The following GLRA3 variants were observed in gnomAD, a reference collection of about 807,000 sequenced individuals.
GLRA3 encodes glycine receptor subunit alpha-3.
GLRA3 carries 44 observed loss-of-function variants against 60.4 expected under a neutral mutation model. That is an observed-to-expected ratio of 0.73 (90% confidence interval 0.57 to 0.94). GLRA3 has a LOEUF of 0.94. Among genes scored for constraint, GLRA3 ranks in the 40% least tolerant of loss-of-function variants. The pLI is 0.00. For synonymous variants in GLRA3, 223 were observed against 192.9 expected (o/e 1.16, Z -1.29); for missense variants, 508 against 564.6 (o/e 0.90, Z 1.02).
In GLRA3 at chr4:174,639,741, A is replaced by G. The variant is rs969583626; in HGVS notation, c.*4045T>C. On this transcript the variant is annotated 3_prime_UTR_variant, in exon 10 of 10. Transcript: ENST00000274093. The stretch of plus-strand genomic sequence containing the variant: ...TTTGTAAAGAGGAATGGGGGCTGAG[A>G]TAAAAGTTTAATTTTAAAGTTAATT... 1.3e-5 allele frequency: 2 copies of G among 152,128 alleles called. No individual in the cohort carries two copies. Among genetic ancestry groups the G allele is most frequent in the African/African-American group, 2.4e-5 (1 of 41,450 alleles). The allele number at this position is 152,128 out of a possible 1,614,324, so 9.4% of individuals were successfully genotyped here.
In GLRA3 at chr4:174,733,278, C is replaced by G. The variant is rs115620118; in HGVS notation, c.268-4580G>C. ...GCCCTGTAGACACCTTGAATTTAGT[C>G]TGGCAAAACACACTGGACCTCTGAC... On this transcript the variant is annotated intron_variant, in intron 3 of 9. Transcript: ENST00000274093. Among the ~76,000 whole-genome samples the G allele has an allele frequency of 2.9e-3, 444 of 152,308 alleles. 3 individuals carry two copies. Among genetic ancestry groups the G allele is most frequent in the African/African-American group, 0.01 (418 of 41,578 alleles).
chr4:174,701,066 T>C lies in GLRA3; in HGVS notation c.574+14422A>G, dbSNP rs1325760062. 2.6e-5 allele frequency among the ~76,000 whole-genome samples: 4 copies of C among 152,168 alleles called. No individual in the cohort carries two copies. The East Asian group carries it at 7.7e-4, about 29-fold the overall frequency. Reference sequence around the variant, plus strand: ...TTAAACAACAGATTTTCAATGTAGATGAAACAATCTTCTATTGGAAAAAGA... The same window carrying C: ...TTAAACAACAGATTTTCAATGTAGACGAAACAATCTTCTATTGGAAAAAGA... On this transcript the variant is annotated intron_variant, in intron 5 of 9. Transcript: ENST00000274093.
chr4:174,642,446 A>G lies in GLRA3; in HGVS notation c.*1340T>C, dbSNP rs1387045995. 2.1e-5 allele frequency: 20 copies of G among 975,566 alleles called. No individual in the cohort carries two copies. The highest frequency in any genetic ancestry group is 2.4e-5 in the Non-Finnish European group (20 of 821,058). The allele number at this position is 975,566 out of a possible 1,614,324, so 60.4% of individuals were successfully genotyped here. A position where few individuals can be genotyped will look rare whatever the true frequency, so the allele number is the denominator to read the frequency against. On this transcript the variant is annotated 3_prime_UTR_variant, in exon 10 of 10. Coordinates refer to ENST00000274093, the MANE Select transcript of GLRA3 (RefSeq NM_006529.4). ...GCTTTTCCAAATAAATTTATGGTAA[A>G]AATAGTTAAAAAAATAGCAAAACTG...
At chr4:174,775,130 G>C (rs1738547749) in intron 2 of GLRA3, among the ~76,000 whole-genome samples, 1 of 152,086 alleles carries the variant, frequency 6.6e-6, no homozygotes, top group South Asian at 2.1e-4. Flanking sequence ...TTTTAGAAGA[G>C]CTTATTATTC....
At chr4:174,802,413 A>G (rs753476357) in intron 1 of GLRA3, among the ~76,000 whole-genome samples, 1 of 152,066 alleles carries the variant, frequency 6.6e-6, no homozygotes, top group Non-Finnish European at 1.5e-5. Flanking sequence ...CAGATAATGA[A>G]CAACAAAATC....
chr4:174,711,744 T>C (rs1735727269), intron 5 of GLRA3, among the ~76,000 whole-genome samples: 1 of 152,140 alleles, frequency 6.6e-6, no homozygotes, highest in Non-Finnish European at 1.5e-5. Flanking sequence ...ATTGATTTTT[T>C]ACCAGCATGC....
intron 9 of GLRA3, among the ~76,000 whole-genome samples, chr4:174,645,427 A>T (rs1467141429): frequency 6.6e-6 from 1 of 150,496 alleles, no homozygotes; most frequent in Non-Finnish European, 1.5e-5. Flanking sequence ...CTCCAAAAAA[A>T]AAAAAAAAAA....
At chr4:174,803,715 T>G (rs1739913582) in intron 1 of GLRA3, among the ~76,000 whole-genome samples, 1 of 152,142 alleles carries the variant, frequency 6.6e-6, no homozygotes, top group Admixed American at 6.6e-5. Flanking sequence ...TTAATTGAAA[T>G]GAAGAGAAAT....
chr4:174,648,926 G>C (rs1732933272), intron 9 of GLRA3, among the ~76,000 whole-genome samples: 1 of 152,132 alleles, frequency 6.6e-6, no homozygotes, highest in South Asian at 2.1e-4. Flanking sequence ...ACGGAAATCT[G>C]TTCCAATTTT....
At chr4:174,822,488 T>C (rs557872087) in intron 1 of GLRA3, among the ~76,000 whole-genome samples, 1 of 152,206 alleles carries the variant, frequency 6.6e-6, no homozygotes, top group Non-Finnish European at 1.5e-5. Flanking sequence ...TTTTTACTAA[T>C]TAAAAACAAT....
At chr4:174,816,852 G>T (rs1352339517) in intron 1 of GLRA3, among the ~76,000 whole-genome samples, 1 of 151,238 alleles carries the variant, frequency 6.6e-6, no homozygotes, top group Non-Finnish European at 1.5e-5. Context: ...AATTCTTGTG[G>T]GTACATAGCA....
At chr4:174,735,276 C>T (rs933393725) in intron 3 of GLRA3, among the ~76,000 whole-genome samples, 2 of 152,182 alleles carry the variant, frequency 1.3e-5, no homozygotes, top group African/African-American at 4.8e-5. Flanking sequence ...GTTTCTACAT[C>T]ATTTTTCTGC....
chr4:174,667,592 T>C (rs1307117741), intron 7 of GLRA3, among the ~76,000 whole-genome samples: 1 of 151,984 alleles, frequency 6.6e-6, no homozygotes, highest in African/African-American at 2.4e-5. Context: ...AAAAGTAGAG[T>C]CCAGGTAGTG....
chr4:174,744,393 C>T (rs1449241938), intron 3 of GLRA3, among the ~76,000 whole-genome samples: 5 of 152,184 alleles, frequency 3.3e-5, no homozygotes, highest in African/African-American at 4.8e-5. Flanking sequence ...CCCTGGGAGC[C>T]GAAGAACAGG....
chr4:174,654,896 T>C (rs1733144504), intron 9 of GLRA3, among the ~76,000 whole-genome samples: 1 of 152,128 alleles, frequency 6.6e-6, no homozygotes, highest in East Asian at 1.9e-4. Context: ...GAAATTTGGA[T>C]ACAAGAGCAA....
intron 2 of GLRA3, among the ~76,000 whole-genome samples, chr4:174,783,081 A>G (rs1738957981): frequency 6.6e-6 from 1 of 152,234 alleles, no homozygotes; most frequent in Non-Finnish European, 1.5e-5. Flanking sequence ...CTACAAGGCT[A>G]CAGTAAACAA....
At chr4:174,791,711 T>C (rs890906471) in intron 1 of GLRA3, among the ~76,000 whole-genome samples, 5 of 152,198 alleles carry the variant, frequency 3.3e-5, no homozygotes, top group Admixed American at 2.6e-4. Context: ...AGCATGCTTC[T>C]ATTGATTGCA....
chr4:174,647,539 CT>C (rs1193212558), intron 9 of GLRA3, among the ~76,000 whole-genome samples: 1 of 152,074 alleles, frequency 6.6e-6, no homozygotes, highest in African/African-American at 2.4e-5. Context: ...GGACACTGCC[CT>C]TAATTTTAAT....
intron 3 of GLRA3, among the ~76,000 whole-genome samples, chr4:174,760,484 T>G (rs545832910): frequency 6.6e-6 from 1 of 152,228 alleles, no homozygotes; most frequent in African/African-American, 2.4e-5. Flanking sequence ...CCCTGTAGAA[T>G]AGCTTGCATA....
Sources: allele counts gnomAD v4.1 joint callset (sites outside exome capture counted in the v4.1 genomes callset), GRCh38; gene constraint gnomAD v4.1.1; transcripts MANE v1.5; gene names NCBI Gene and HGNC (gene_info 2026-07-23, HGNC 2026-07-21).